ARB2A: variants seen among roughly 807,000 people sequenced by gnomAD.
ARB2A encodes the protein ARB2 cotranscriptional regulator A.
the ARB2A span, among the ~76,000 whole-genome samples, chr5:93,876,252 T>C: frequency 0.9 from 137,439 of 152,206 alleles, 62,532 homozygotes; most frequent in East Asian, 1. Context: ...CATTTTCTGT[T>C]TTCACTCTTG....
the ARB2A span, among the ~76,000 whole-genome samples, chr5:93,779,589 C>T: frequency 6.6e-6 from 1 of 152,114 alleles, no homozygotes; most frequent in Non-Finnish European, 1.5e-5. Context: ...ACTCAAGGTA[C>T]CAATAGTGCC....
the ARB2A span, among the ~76,000 whole-genome samples, chr5:93,850,382 A>AT: frequency 6.6e-6 from 1 of 152,212 alleles, no homozygotes; most frequent in African/African-American, 2.4e-5. Flanking sequence ...GTGAGAAGTC[A>AT]TAAGCTTATT....
At chr5:93,774,790 A>C in the ARB2A span, among the ~76,000 whole-genome samples, 3 of 152,296 alleles carry the variant, frequency 2.0e-5, no homozygotes, top group South Asian at 2.1e-4. Flanking sequence ...TTAATGAATC[A>C]ACAATATATA....
the ARB2A span, among the ~76,000 whole-genome samples, chr5:93,684,937 T>C: frequency 6.6e-6 from 1 of 152,220 alleles, no homozygotes; most frequent in Admixed American, 6.5e-5. Context: ...TTGCTGTACG[T>C]TGAAGTGTTA....
At chr5:93,903,295 T>C in the ARB2A span, among the ~76,000 whole-genome samples, 1 of 152,060 alleles carries the variant, frequency 6.6e-6, no homozygotes, top group South Asian at 2.1e-4. Context: ...ATATGATTAC[T>C]GGATAAAAAA....
chr5:93,917,594 T>C, the ARB2A span, among the ~76,000 whole-genome samples: 8 of 152,072 alleles, frequency 5.3e-5, no homozygotes, highest in African/African-American at 1.7e-4. Context: ...TAAAAAACAG[T>C]GGGCCAGGTG....
the ARB2A span, among the ~76,000 whole-genome samples, chr5:93,876,169 G>C: frequency 6.6e-6 from 1 of 152,058 alleles, no homozygotes; most frequent in Non-Finnish European, 1.5e-5. Context: ...GATTAACACT[G>C]GGAATTTTGT....
chr5:93,727,550 T>C, the ARB2A span, among the ~76,000 whole-genome samples: 1 of 152,008 alleles, frequency 6.6e-6, no homozygotes, highest in Non-Finnish European at 1.5e-5. Flanking sequence ...TATTTAACTT[T>C]TAGGAACCTT....
chr5:93,760,971 A>C, the ARB2A span, among the ~76,000 whole-genome samples: 1 of 152,248 alleles, frequency 6.6e-6, no homozygotes, highest in Admixed American at 6.5e-5. Context: ...GACAACCCAC[A>C]GAGTGGGATA....
chr5:93,620,755 A>AGCGCTCAGCCC, the ARB2A span: 59 of 436,036 alleles, frequency 1.4e-4, no homozygotes, highest in Admixed American at 2.7e-4. Context: ...GCTGACTGGC[A>AGCGCTCAGCCC]GCGCTCAGCC....
the ARB2A span, among the ~76,000 whole-genome samples, chr5:94,025,236 C>T: frequency 6.6e-6 from 1 of 152,170 alleles, no homozygotes; most frequent in Non-Finnish European, 1.5e-5. Flanking sequence ...ATTTATTTCT[C>T]ACAGTTCTGG....
At chr5:93,840,111 C>A in the ARB2A span, among the ~76,000 whole-genome samples, 1 of 152,048 alleles carries the variant, frequency 6.6e-6, no homozygotes, top group Non-Finnish European at 1.5e-5. Flanking sequence ...AATTTGATAT[C>A]TTTTTAACTT....
chr5:94,039,158 CATA>C, the ARB2A span, among the ~76,000 whole-genome samples: 3 of 152,114 alleles, frequency 2.0e-5, no homozygotes. Context: ...TTTTCTAAAT[CATA>C]ATGATAAACA....
the ARB2A span, among the ~76,000 whole-genome samples, chr5:93,726,798 A>G: frequency 6.6e-6 from 1 of 152,076 alleles, no homozygotes; most frequent in Non-Finnish European, 1.5e-5. Flanking sequence ...CATGAGCTTG[A>G]TATTCATGTA....
the ARB2A span, among the ~76,000 whole-genome samples, chr5:93,937,487 C>T: frequency 4.6e-5 from 7 of 151,776 alleles, no homozygotes; most frequent in African/African-American, 1.7e-4. Context: ...TGGCATGCAC[C>T]TGTAGTCCCA....
At chr5:93,950,980 AAGTCCTAATAGTATAT>A in the ARB2A span, among the ~76,000 whole-genome samples, 1 of 151,422 alleles carries the variant, frequency 6.6e-6, no homozygotes. Context: ...AAAATAAAAT[AAGTCCTAATAGTATAT>A]AAATAAAATA....
the ARB2A span, among the ~76,000 whole-genome samples, chr5:94,077,438 G>A: frequency 6.6e-6 from 1 of 152,138 alleles, no homozygotes; most frequent in South Asian, 2.1e-4. Context: ...TGCAAAGCAG[G>A]TAAGCATGAA....
the ARB2A span, among the ~76,000 whole-genome samples, chr5:93,708,218 T>C: frequency 6.6e-6 from 1 of 152,226 alleles, no homozygotes. Context: ...TTTAAAATTA[T>C]AGTCATCCAC....
the ARB2A span, among the ~76,000 whole-genome samples, chr5:94,082,805 A>G: frequency 6.6e-6 from 1 of 152,178 alleles, no homozygotes; most frequent in South Asian, 2.1e-4. Context: ...TGAGACCAGC[A>G]GGAGGATAAA....
Sources: allele counts gnomAD v4.1 joint callset (sites outside exome capture counted in the v4.1 genomes callset), GRCh38; gene constraint gnomAD v4.1.1; transcripts MANE v1.5; gene names NCBI Gene and HGNC (gene_info 2026-07-23, HGNC 2026-07-21).